GDPD1: variants seen among roughly 807,000 people sequenced by gnomAD.
The protein encoded by GDPD1 is lysophospholipase D GDPD1.
GDPD1 carries 28 observed loss-of-function variants against 45.1 expected under a neutral mutation model. That is an observed-to-expected ratio of 0.62 (90% CI 0.46 to 0.85). The LOEUF (loss-of-function observed/expected upper bound fraction) is 0.85, where lower values mean the gene tolerates loss of function less well. Ranked by LOEUF, GDPD1 falls within the 40% of genes least tolerant of loss-of-function variation. The pLI, the probability that GDPD1 is intolerant of heterozygous loss-of-function variation, is 0.00. For synonymous variants in GDPD1, 139 were observed against 131.4 expected (o/e 1.06, Z -0.40); for missense variants, 256 against 364.8 (o/e 0.70, Z 2.43).
chr17:59,249,194 C>T (rs929658270), intron 4 of GDPD1: 1 of 152,704 alleles, frequency 6.5e-6, no homozygotes, highest in Admixed American at 6.6e-5. Flanking sequence ...GAGTTCGAGA[C>T]CAGCCTAGCC....
intron 2 of GDPD1, among the ~76,000 whole-genome samples, chr17:59,237,433 T>C (rs565844946): frequency 2.5e-4 from 38 of 152,138 alleles, no homozygotes; most frequent in Middle Eastern, 3.4e-3. Flanking sequence ...TAAATAAACA[T>C]ACTGTTTTAA....
intron 1 of GDPD1, among the ~76,000 whole-genome samples, chr17:59,228,523 G>A (rs572546995): frequency 5.5e-4 from 84 of 152,250 alleles, no homozygotes; most frequent in Middle Eastern, 6.8e-3. Context: ...TGTCTGAGGA[G>A]ACTTATGTGT....
At chr17:59,252,213 A>G (rs2047260321) in intron 4 of GDPD1, among the ~76,000 whole-genome samples, 2 of 151,964 alleles carry the variant, frequency 1.3e-5, no homozygotes, top group Non-Finnish European at 1.5e-5. Context: ...CAACATGGCG[A>G]AACCCTGTCT....
At chr17:59,250,761 T>G (rs1269062408) in intron 4 of GDPD1, among the ~76,000 whole-genome samples, 2 of 152,068 alleles carry the variant, frequency 1.3e-5, no homozygotes, top group Non-Finnish European at 2.9e-5. Context: ...GTGAAGTAGC[T>G]CAATCTCAGC....
At chr17:59,223,170 A>T (rs2047019315) in intron 1 of GDPD1, among the ~76,000 whole-genome samples, 1 of 152,198 alleles carries the variant, frequency 6.6e-6, no homozygotes, top group Non-Finnish European at 1.5e-5. Flanking sequence ...TTTTCTTCCT[A>T]GATATTAGGT....
Position 59,275,149 on chromosome 17 carries a change from G to C in GDPD1, c.*1376G>C. On this transcript the variant is annotated 3_prime_UTR_variant, in exon 10 of 10. Coordinates refer to ENST00000284116, the MANE Select transcript of GDPD1 (RefSeq NM_182569.4). ...GAACCACTGCACCCGGCCAGTAAAA[G>C]AAATTTTGAAGGCCATTGCAGCTAT... 1 of 1,536,980 alleles carries C rather than the reference G, an allele frequency of 6.5e-7. No homozygotes were observed. The highest frequency in any genetic ancestry group is 2.4e-5 in the East Asian group (1 of 40,862).
rs146650062 is a variant in GDPD1 at position 59,222,663 on chromosome 17, C to T, written c.142+1912C>T. Among the ~76,000 whole-genome samples the T allele has an allele frequency of 5.6e-3, 854 of 151,830 alleles. 12 individuals carry two copies. The highest frequency in any genetic ancestry group is 0.019 in the African/African-American group (808 of 41,464). ...CCGAGTAGCTGGGATTACAGGCTCCCGCCACCACGCACAGCTAATTTTTGT... is the reference window on the plus strand; with the variant it reads ...CCGAGTAGCTGGGATTACAGGCTCCTGCCACCACGCACAGCTAATTTTTGT... On this transcript the variant is annotated intron_variant, in intron 1 of 9. Transcript: ENST00000284116.
intron 1 of GDPD1, among the ~76,000 whole-genome samples, chr17:59,222,566 G>A (rs2147870521): frequency 7.8e-6 from 1 of 128,252 alleles, no homozygotes; most frequent in East Asian, 2.3e-4. Context: ...CCGGGCTACA[G>A]TGTAGTGGTG....
intron 3 of GDPD1, among the ~76,000 whole-genome samples, chr17:59,246,047 G>GC (rs1463307471): frequency 9.9e-5 from 15 of 152,104 alleles, no homozygotes; most frequent in African/African-American, 3.6e-4. Context: ...TTGAATCTGG[G>GC]AGGTGGAGGT....
At chr17:59,248,278 A>G (rs937020450) in intron 3 of GDPD1, among the ~76,000 whole-genome samples, 3 of 151,834 alleles carry the variant, frequency 2.0e-5, no homozygotes, top group African/African-American at 7.2e-5. Context: ...CGGCCCAGGC[A>G]ATAGAGTGAT....
intron 6 of GDPD1, among the ~76,000 whole-genome samples, chr17:59,266,292 G>A (rs1394916907): frequency 6.6e-6 from 1 of 151,168 alleles, no homozygotes; most frequent in Non-Finnish European, 1.5e-5. Context: ...GGGGGCTGAG[G>A]CAGGAGAATT....
rs2047473145 is a variant in GDPD1 at position 59,275,202 on chromosome 17, T to C, written c.*1429T>C. 1 of 1,536,372 alleles carries C rather than the reference T, an allele frequency of 6.5e-7. No homozygotes were observed. ...GGTAGTGTCTTGTTATTTCTAGGTGTACCTTAGTTAAAGAGGAAAAATAAA... is the reference window on the plus strand; with the variant it reads ...GGTAGTGTCTTGTTATTTCTAGGTGCACCTTAGTTAAAGAGGAAAAATAAA... On this transcript the variant is annotated 3_prime_UTR_variant, in exon 10 of 10. Transcript: ENST00000284116.
intron 6 of GDPD1, 92 bp from the exon 7 acceptor site, chr17:59,266,949 A>G: frequency 1.9e-6 from 2 of 1,051,104 alleles, no homozygotes; most frequent in Non-Finnish European, 1.4e-6. Context: ...AGATTTCAAC[A>G]CATTGTCTTG....
chr17:59,257,246 C>G lies in GDPD1; in HGVS notation c.486+6C>G, dbSNP rs376176375. ...ACAATGTGCTGATTAAGAAGGTACT[C>G]AAGGCATTGCCTCCTCTGGGTGTGT... On this transcript the variant is annotated splice_donor_region_variant and intron_variant, in intron 5 of 9. Coordinates refer to ENST00000284116, the MANE Select transcript of GDPD1 (RefSeq NM_182569.4). 2 of 1,407,270 alleles carry G rather than the reference C, an allele frequency of 1.4e-6. No homozygotes were observed. Among genetic ancestry groups the G allele is most frequent in the Non-Finnish European group, 2.0e-6 (2 of 1,006,742 alleles). The allele number at this position is 1,407,270 out of a possible 1,614,324, so 87.2% of individuals were successfully genotyped here.
intron 1 of GDPD1, among the ~76,000 whole-genome samples, chr17:59,228,463 G>C (rs142171532): frequency 2.6e-5 from 4 of 152,174 alleles, no homozygotes; most frequent in Non-Finnish European, 5.9e-5. Context: ...TGCCTTAGTA[G>C]AGCTATGCAT....
At chr17:59,261,337 AGAGCAATCACTG>A (rs1010197693) in intron 6 of GDPD1, among the ~76,000 whole-genome samples, 2 of 152,148 alleles carry the variant, frequency 1.3e-5, no homozygotes, top group African/African-American at 4.8e-5. Flanking sequence ...AGGGAAGAAC[AGAGCAATCACTG>A]GACTGAGTGG....
At chr17:59,258,109 T>C (rs2047323682) in intron 6 of GDPD1, among the ~76,000 whole-genome samples, 1 of 151,996 alleles carries the variant, frequency 6.6e-6, no homozygotes, top group South Asian at 2.1e-4. Context: ...AAATCTTTAG[T>C]AGAGATGAGG....
At chr17:59,270,694 G>A (rs941433729) in intron 7 of GDPD1, among the ~76,000 whole-genome samples, 8 of 151,978 alleles carry the variant, frequency 5.3e-5, no homozygotes, top group African/African-American at 1.5e-4. Context: ...ATTTATTTAT[G>A]TATGCATTTA....
At chr17:59,232,523 G>A (rs2047099384) in intron 1 of GDPD1, among the ~76,000 whole-genome samples, 1 of 152,056 alleles carries the variant, frequency 6.6e-6, no homozygotes. Flanking sequence ...TGATCATGAG[G>A]TTCTAGTTGT....
Sources: gnomAD v4.1 joint callset for allele counts (sites outside exome capture counted in the v4.1 genomes callset) on GRCh38, gnomAD v4.1.1 for gene constraint, MANE v1.5 for transcripts, NCBI Gene and HGNC (gene_info 2026-07-23, HGNC 2026-07-21) for gene names.